CACNA1C: variants seen among roughly 807,000 people sequenced by gnomAD.
CACNA1C encodes calcium voltage-gated channel subunit alpha1 C, also known as voltage-dependent L-type calcium channel subunit alpha-1C.
In CACNA1C, 30 loss-of-function variants were observed where a neutral mutation model predicts 229.0. That is an observed-to-expected ratio of 0.13 (90% CI 0.10 to 0.18). CACNA1C has a LOEUF of 0.18. CACNA1C is among the 10% of genes least tolerant of loss of function. The pLI, the probability that CACNA1C is intolerant of heterozygous loss-of-function variation, is 1.00. For missense variants in CACNA1C, 1,658 were observed against 2,845.0 expected (o/e 0.58, Z 9.49); for synonymous variants, 1,114 against 1,132.5 (o/e 0.98, Z 0.33).
intron 8 of CACNA1C, among the ~76,000 whole-genome samples, chr12:2,505,326 C>T (rs1163671429): frequency 2.6e-5 from 4 of 152,202 alleles, no homozygotes; most frequent in Non-Finnish European, 4.4e-5. Context: ...CATTTTACTT[C>T]ATAGACTGAG....
At chr12:2,544,517 T>C (rs566710459) in intron 9 of CACNA1C, among the ~76,000 whole-genome samples, 1 of 152,310 alleles carries the variant, frequency 6.6e-6, no homozygotes, top group South Asian at 2.1e-4. Flanking sequence ...GCAAAAGAAA[T>C]TGTGGTTTCA....
At chr12:2,295,623 G>A (rs901350392) in intron 3 of CACNA1C, among the ~76,000 whole-genome samples, 1 of 152,214 alleles carries the variant, frequency 6.6e-6, no homozygotes, top group Non-Finnish European at 1.5e-5. Flanking sequence ...TATTAAGAGT[G>A]ATAATGGTTT....
chr12:2,113,045 G>A (rs1351941569), intron 1 of CACNA1C, among the ~76,000 whole-genome samples: 4 of 151,944 alleles, frequency 2.6e-5, no homozygotes, highest in Non-Finnish European at 4.4e-5. Flanking sequence ...ACATCACAGT[G>A]TGTGGGGGAA....
chr12:2,107,842 C>T (rs879516895), intron 1 of CACNA1C, among the ~76,000 whole-genome samples: 1 of 152,218 alleles, frequency 6.6e-6, no homozygotes, highest in Non-Finnish European at 1.5e-5. Flanking sequence ...GTGCTCTGCT[C>T]GTTATCTTCC....
At chr12:2,198,509 C>T (rs959675779) in intron 3 of CACNA1C, among the ~76,000 whole-genome samples, 1 of 152,202 alleles carries the variant, frequency 6.6e-6, no homozygotes, top group Admixed American at 6.5e-5. Context: ...CCGTGCGGCA[C>T]CATGTTGATG....
intron 42 of CACNA1C, among the ~76,000 whole-genome samples, chr12:2,681,620 C>G (rs969496752): frequency 2.0e-5 from 3 of 152,178 alleles, no homozygotes; most frequent in African/African-American, 7.2e-5. Flanking sequence ...CCCACTCCAC[C>G]TCCCTCCCCT....
At position 2,567,738 on chromosome 12, in the gene CACNA1C, A is replaced by C. The variant is rs1060504922; in HGVS notation, c.1839A>C (p.Pro613=). The change falls in exon 13 of 47, where the codon CCA becomes CCC. Residue 613 remains proline (P), a synonymous_variant. Coordinates refer to ENST00000399655, the MANE Select transcript of CACNA1C (RefSeq NM_000719.7). ...TILVETKIMS[P]LGISVLRCVR... ...TGGTGGAGACCAAGATCATGTCCCC[A>C]CTGGGCATCTCCGTGCTCAGATGCG... The C allele has an allele frequency of 6.2e-7, 1 of 1,613,512 alleles. No homozygotes were observed.
At chr12:2,055,345 G>T (rs2054265534) in intron 1 of CACNA1C, among the ~76,000 whole-genome samples, 1 of 152,234 alleles carries the variant, frequency 6.6e-6, no homozygotes, top group Admixed American at 6.5e-5. Flanking sequence ...CTCAGTCTAA[G>T]CAGCATTGAA....
chr12:2,138,397 G>C (rs1459938492), intron 3 of CACNA1C, among the ~76,000 whole-genome samples: 1 of 151,196 alleles, frequency 6.6e-6, no homozygotes, highest in Non-Finnish European at 1.5e-5. Context: ...GGTGGCAGGT[G>C]GTGGATGCTA....
chr12:2,110,568 A>G (rs1160149552), intron 1 of CACNA1C, among the ~76,000 whole-genome samples: 1 of 152,178 alleles, frequency 6.6e-6, no homozygotes, highest in East Asian at 1.9e-4. Context: ...CGTGCTAACA[A>G]AAGCCGTCAG....
chr12:2,379,590 C>T (rs1280273548), intron 3 of CACNA1C, among the ~76,000 whole-genome samples: 1 of 152,076 alleles, frequency 6.6e-6, no homozygotes, highest in African/African-American at 2.4e-5. Context: ...TTGTCCAGTC[C>T]ATCTCTCATT....
chr12:2,163,447 T>C (rs931227969), intron 3 of CACNA1C, among the ~76,000 whole-genome samples: 2 of 152,150 alleles, frequency 1.3e-5, no homozygotes, highest in African/African-American at 4.8e-5. Flanking sequence ...TCCTTTTTTT[T>C]TTCTGTCATC....
At chr12:2,544,273 T>C (rs1257200864) in intron 9 of CACNA1C, among the ~76,000 whole-genome samples, 2 of 152,210 alleles carry the variant, frequency 1.3e-5, no homozygotes, top group Non-Finnish European at 1.5e-5. Flanking sequence ...CACTAGCCAG[T>C]CTCCAAAATT....
intron 3 of CACNA1C, among the ~76,000 whole-genome samples, chr12:2,387,227 G>A (rs1164472643): frequency 6.6e-6 from 1 of 152,186 alleles, no homozygotes; most frequent in Non-Finnish European, 1.5e-5. Context: ...GCTCATGCCT[G>A]TAATCTCAGC....
intron 3 of CACNA1C, among the ~76,000 whole-genome samples, chr12:2,213,352 C>T (rs1393060595): frequency 1.3e-4 from 20 of 152,042 alleles, no homozygotes; most frequent in Admixed American, 1.2e-3. Context: ...CCACTATCTT[C>T]GGGTACTATT....
intron 3 of CACNA1C, among the ~76,000 whole-genome samples, chr12:2,128,884 A>G (rs1163710778): frequency 6.6e-6 from 1 of 152,210 alleles, no homozygotes; most frequent in Non-Finnish European, 1.5e-5. Context: ...ATGAGCACAC[A>G]CAAGCTCAGA....
At chr12:2,650,086 G>C (rs1045850344) in intron 31 of CACNA1C, among the ~76,000 whole-genome samples, 1 of 152,152 alleles carries the variant, frequency 6.6e-6, no homozygotes, top group African/African-American at 2.4e-5. Context: ...CCCCTGCCTT[G>C]AGGGGAACGG....
chr12:2,202,170 A>G (rs1414451323), intron 3 of CACNA1C, among the ~76,000 whole-genome samples: 15 of 152,204 alleles, frequency 9.9e-5, no homozygotes, highest in Admixed American at 9.8e-4. Context: ...GGATTGACTT[A>G]GAGGATTTTA....
intron 18 of CACNA1C, among the ~76,000 whole-genome samples, chr12:2,587,451 G>A (rs2063015238): frequency 6.6e-6 from 1 of 152,200 alleles, no homozygotes; most frequent in South Asian, 2.1e-4. Context: ...CTAGCATGAG[G>A]GTCTTTTCAC....
Sources: gnomAD v4.1 joint callset for allele counts (sites outside exome capture counted in the v4.1 genomes callset) on GRCh38, gnomAD v4.1.1 for gene constraint, MANE v1.5 for transcripts, NCBI Gene and HGNC (gene_info 2026-07-23, HGNC 2026-07-21) for gene names.